RAB3GAP1: variants seen among roughly 807,000 people sequenced by gnomAD.
RAB3GAP1 encodes the protein rab3 GTPase-activating protein catalytic subunit.
Under a neutral mutation model 130.7 loss-of-function variants are expected in RAB3GAP1, and 86 were observed. The ratio of observed to expected loss-of-function variants is 0.66; its 90% confidence interval spans 0.55 to 0.79. RAB3GAP1 has a LOEUF of 0.79. Among genes scored for constraint, RAB3GAP1 ranks in the 30% least tolerant of loss-of-function variants. The probability of loss-of-function intolerance (pLI) is 0.00; values close to 1 mark genes in which losing one functional copy is unlikely to be tolerated. For missense variants in RAB3GAP1, 1,029 were observed against 1,169.4 expected, an observed-to-expected ratio of 0.88 and a Z score of 1.75; for synonymous variants, 367 against 401.7, an observed-to-expected ratio of 0.91 and a Z score of 1.03.
At chr2:135,068,341 A>G (rs1046927547) in intron 3 of RAB3GAP1, among the ~76,000 whole-genome samples, 26 of 152,180 alleles carry the variant, frequency 1.7e-4, no homozygotes, top group Admixed American at 1.6e-3. Flanking sequence ...TTACAGCACA[A>G]TAACTAAATT....
At chr2:135,065,239 C>G (rs902326586) in intron 3 of RAB3GAP1, among the ~76,000 whole-genome samples, 3 of 152,166 alleles carry the variant, frequency 2.0e-5, no homozygotes, top group South Asian at 4.1e-4. Context: ...CCGAGTTGTA[C>G]ACAGATTAGA....
intron 9 of RAB3GAP1, 140 bp downstream of exon 9, chr2:135,124,386 G>T (rs1218469119): frequency 4.2e-6 from 4 of 944,720 alleles, no homozygotes; most frequent in South Asian, 1.4e-5. Context: ...CGTACACCTG[G>T]GCTGGGCACA....
At chr2:135,070,287 CT>C (rs1656116569) in intron 3 of RAB3GAP1, among the ~76,000 whole-genome samples, 1 of 152,208 alleles carries the variant, frequency 6.6e-6, no homozygotes, top group African/African-American at 2.4e-5. Context: ...TAAAATCCCT[CT>C]GTTATTTTGC....
chr2:135,083,042 T>A (rs1689872029), intron 3 of RAB3GAP1, among the ~76,000 whole-genome samples: 1 of 152,144 alleles, frequency 6.6e-6, no homozygotes, highest in Non-Finnish European at 1.5e-5. Flanking sequence ...ACTGTATTTT[T>A]AAAATACATA....
At chr2:135,119,431 A>G (rs1463990138) in intron 7 of RAB3GAP1, among the ~76,000 whole-genome samples, 1 of 152,070 alleles carries the variant, frequency 6.6e-6, no homozygotes, top group African/African-American at 2.4e-5. Context: ...TTTTCTGGGT[A>G]TCTGTTTTTG....
chr2:135,115,203 TC>T lies in RAB3GAP1; in HGVS notation c.483-12del. 6.3e-7 allele frequency: 1 copy of T among 1,599,470 alleles called. No individual in the cohort carries two copies. Among genetic ancestry groups the T allele is most frequent in the Non-Finnish European group, 8.6e-7 (1 of 1,166,848 alleles). On this transcript the variant is annotated splice_polypyrimidine_tract_variant and intron_variant, in intron 6 of 23. Transcript: ENST00000264158. ...GAGCTTGTATTCCATTCCTATTTAA[TC>T]ATGTCTTGCAGTCAGGTGCCACTCT...
In RAB3GAP1 at chr2:135,096,588, C is replaced by T. The variant is rs572544735; in HGVS notation, c.362+2895C>T. ...ATACATTTAATGTGACTAAATTTATCAGAAGGCAGCATAGTATCAGAGCAT... is the reference window on the plus strand; with the variant it reads ...ATACATTTAATGTGACTAAATTTATTAGAAGGCAGCATAGTATCAGAGCAT... On this transcript the variant is annotated intron_variant, in intron 5 of 23. Coordinates refer to ENST00000264158, the MANE Select transcript of RAB3GAP1 (RefSeq NM_012233.3). Among the ~76,000 whole-genome samples, 289 of 152,204 alleles carry T rather than the reference C, an allele frequency of 1.9e-3. 1 individual carries two copies. Among genetic ancestry groups the T allele is most frequent in the African/African-American group, 6.8e-3 (281 of 41,520 alleles).
intron 2 of RAB3GAP1, among the ~76,000 whole-genome samples, chr2:135,054,397 G>A (rs1688954907): frequency 1.3e-5 from 2 of 152,158 alleles, no homozygotes; most frequent in South Asian, 2.1e-4. Flanking sequence ...AATGGTGGGA[G>A]ACTTAACTTG....
chr2:135,094,762 G>C (rs60512371), intron 5 of RAB3GAP1, among the ~76,000 whole-genome samples: 6,903 of 152,082 alleles, frequency 0.045, 530 homozygotes, highest in African/African-American at 0.16. Context: ...CAGTTTGTTT[G>C]TTTTTTTAGC....
chr2:135,103,520 C>A (rs913739063), intron 5 of RAB3GAP1, among the ~76,000 whole-genome samples: 2 of 152,080 alleles, frequency 1.3e-5, no homozygotes, highest in African/African-American at 4.8e-5. Flanking sequence ...AGTGATTCCT[C>A]TTTGCTAAAG....
chr2:135,136,211 A>C lies in RAB3GAP1; in HGVS notation c.1923+279A>C, dbSNP rs1317387324. Among the ~76,000 whole-genome samples the C allele has an allele frequency of 2.0e-5, 3 of 152,312 alleles. No homozygotes were observed. In the East Asian group the frequency reaches 5.8e-4, roughly 29 times the overall value. On this transcript the variant is annotated intron_variant, in intron 17 of 23. Transcript: ENST00000264158. ...CACAGTGGCGCACACCTGTAGTTCC[A>C]GCTACTGGGGAGGCTGAGGCAGGAG...
intron 11 of RAB3GAP1, 36 bp from the exon 12 acceptor site, chr2:135,129,957 TCA>T: frequency 2.3e-6 from 3 of 1,305,402 alleles, no homozygotes; most frequent in Admixed American, 1.8e-5. Flanking sequence ...TTTTTTTTTT[TCA>T]GTTAAGTGTC....
chr2:135,125,935 T>C (rs1322052160), intron 9 of RAB3GAP1, among the ~76,000 whole-genome samples: 1 of 152,250 alleles, frequency 6.6e-6, no homozygotes, highest in Non-Finnish European at 1.5e-5. Flanking sequence ...ACATTTTGTT[T>C]ATCCATTCAT....
intron 2 of RAB3GAP1, among the ~76,000 whole-genome samples, chr2:135,055,627 G>C (rs1186083858): frequency 1.3e-5 from 2 of 149,522 alleles, no homozygotes; most frequent in Non-Finnish European, 3.0e-5. Context: ...GCAGTGAGCT[G>C]TGATTACACC....
intron 5 of RAB3GAP1, among the ~76,000 whole-genome samples, chr2:135,105,406 AT>A: frequency 6.6e-6 from 1 of 151,396 alleles, no homozygotes; most frequent in Admixed American, 6.6e-5. Context: ...TGGTTTTCGT[AT>A]TTTTTTGGTG....
At position 135,170,392 on chromosome 2, in the gene RAB3GAP1, A is replaced by T. The variant is rs188370805; in HGVS notation, c.*1611A>T. 37 of 152,336 alleles carry T rather than the reference A, an allele frequency of 2.4e-4. No homozygotes were observed. In the East Asian group the frequency reaches 6.8e-3, roughly 28 times the overall value. 9.4% of individuals were successfully genotyped at this position (152,336 alleles called of 1,614,324 possible). ...TGTTTGCAGCCTGCTGAGCCTAACA[A>T]GGCAGTGGTCTCAAGAACATTCTTT... On this transcript the variant is annotated 3_prime_UTR_variant, in exon 24 of 24. Transcript: ENST00000264158.
At chr2:135,117,621 GCTTCTTCTGCTTCTGCTT>G (rs1558784528) in intron 7 of RAB3GAP1, among the ~76,000 whole-genome samples, 1 of 15,876 alleles carries the variant, frequency 6.3e-5, no homozygotes, top group Non-Finnish European at 1.5e-4. Flanking sequence ...TTCTGCTTCT[GCTTCTTCTGCTTCTGCTT>G]CTTCTTCTGC....
At chr2:135,134,129 C>A in intron 15 of RAB3GAP1, 96 bp downstream of exon 15, 2 of 1,398,808 alleles carry the variant, frequency 1.4e-6, no homozygotes, top group Non-Finnish European at 2.0e-6. Context: ...GGAAGTCTGC[C>A]CTAAGAAAGT....
At chr2:135,097,588 T>C (rs939806750) in intron 5 of RAB3GAP1, among the ~76,000 whole-genome samples, 2 of 152,280 alleles carry the variant, frequency 1.3e-5, no homozygotes, top group East Asian at 3.9e-4. Context: ...TTTGTCTTTT[T>C]GAGAGTGTCA....
Sources: allele counts gnomAD v4.1 joint callset (sites outside exome capture counted in the v4.1 genomes callset), GRCh38; gene constraint gnomAD v4.1.1; transcripts MANE v1.5; gene names NCBI Gene and HGNC (gene_info 2026-07-23, HGNC 2026-07-21).